STARD13: variants seen among roughly 807,000 people sequenced by gnomAD.
STARD13 encodes StAR related lipid transfer domain containing 13, also known as stAR-related lipid transfer protein 13.
STARD13 carries 62 observed loss-of-function variants against 106.4 expected under a neutral mutation model. The observed-to-expected ratio is 0.58, with a 90% CI of 0.48 to 0.72. STARD13 has a LOEUF of 0.72. Ranked by LOEUF, STARD13 falls within the 30% of genes least tolerant of loss-of-function variation. The probability of loss-of-function intolerance (pLI) is 0.00; values close to 1 mark genes in which losing one functional copy is unlikely to be tolerated. For synonymous variants in STARD13, 565 were observed against 553.0 expected (o/e 1.02, Z -0.31); for missense variants, 1,387 against 1,424.0 (o/e 0.97, Z 0.42).
chr13:33,469,223 G>A, the STARD13 span, among the ~76,000 whole-genome samples: 1 of 152,082 alleles, frequency 6.6e-6, no homozygotes, highest in Non-Finnish European at 1.5e-5. Flanking sequence ...ATTCTGCATA[G>A]TTCAGGAAAC....
At chr13:33,589,731 T>C in the STARD13 span, among the ~76,000 whole-genome samples, 1 of 152,210 alleles carries the variant, frequency 6.6e-6, no homozygotes, top group Non-Finnish European at 1.5e-5. Flanking sequence ...ATGTGGTCAA[T>C]TTTGGAATAA....
chr13:33,498,899 A>T, the STARD13 span, among the ~76,000 whole-genome samples: 1 of 152,236 alleles, frequency 6.6e-6, no homozygotes, highest in Non-Finnish European at 1.5e-5. Context: ...GCACTTTCGG[A>T]GGCCGAGGCA....
At chr13:33,444,089 T>C in the STARD13 span, among the ~76,000 whole-genome samples, 26 of 152,266 alleles carry the variant, frequency 1.7e-4, no homozygotes, top group African/African-American at 5.5e-4. Flanking sequence ...TATTCACTGA[T>C]GTCAGTATAG....
chr13:33,639,679 A>C, the STARD13 span, among the ~76,000 whole-genome samples: 1 of 152,114 alleles, frequency 6.6e-6, no homozygotes, highest in Non-Finnish European at 1.5e-5. Context: ...ACTGTCACTT[A>C]CTCCTGTGCC....
intron 1 of STARD13, among the ~76,000 whole-genome samples, chr13:33,309,886 C>A (rs1343394882): frequency 1.3e-5 from 2 of 152,096 alleles, no homozygotes; most frequent in Non-Finnish European, 2.9e-5. Flanking sequence ...AAGCTCTGAC[C>A]CACCTGTTCC....
chr13:33,492,484 G>T, the STARD13 span, among the ~76,000 whole-genome samples: 1 of 152,202 alleles, frequency 6.6e-6, no homozygotes, highest in African/African-American at 2.4e-5. Flanking sequence ...GTCAGCACAA[G>T]ATATAGGTCA....
At chr13:33,369,825 C>T in the STARD13 span, among the ~76,000 whole-genome samples, 2 of 152,048 alleles carry the variant, frequency 1.3e-5, no homozygotes, top group Non-Finnish European at 2.9e-5. Context: ...CACAGTTGCC[C>T]CTCAGTAAAC....
At chr13:33,133,688 C>A (rs543873204) in intron 4 of STARD13, among the ~76,000 whole-genome samples, 25 of 151,304 alleles carry the variant, frequency 1.7e-4, no homozygotes, top group Admixed American at 3.3e-4. Context: ...AGTAATTATC[C>A]TTGTTTGTTT....
the STARD13 span, among the ~76,000 whole-genome samples, chr13:33,627,956 C>CT: frequency 3.4e-5 from 5 of 146,450 alleles, no homozygotes; most frequent in African/African-American, 8.1e-5. Flanking sequence ...TAGGCTATTT[C>CT]TTTTTTTTCT....
the STARD13 span, among the ~76,000 whole-genome samples, chr13:33,519,309 TTCTCTC>T: frequency 1.9e-4 from 26 of 138,118 alleles, no homozygotes; most frequent in Middle Eastern, 3.5e-3. Flanking sequence ...CTCTCTTTCT[TTCTCTC>T]TCTCTCTCTC....
chr13:33,507,865 C>T, the STARD13 span, among the ~76,000 whole-genome samples: 1 of 152,002 alleles, frequency 6.6e-6, no homozygotes, highest in Non-Finnish European at 1.5e-5. Flanking sequence ...AGCAGATCAT[C>T]ACAAAATCTT....
chr13:33,470,720 T>C, the STARD13 span, among the ~76,000 whole-genome samples: 7 of 152,226 alleles, frequency 4.6e-5, no homozygotes, highest in Non-Finnish European at 8.8e-5. Flanking sequence ...CATAAATGTC[T>C]TCTTTTGAGA....
intron 1 of STARD13, among the ~76,000 whole-genome samples, chr13:33,217,225 G>T (rs1352042927): frequency 6.6e-6 from 1 of 152,094 alleles, no homozygotes. Flanking sequence ...CACAGGACAT[G>T]AAATTTGAAA....
the STARD13 span, among the ~76,000 whole-genome samples, chr13:33,488,376 G>A: frequency 1.2e-4 from 18 of 152,078 alleles, no homozygotes; most frequent in East Asian, 1.9e-4. Context: ...CTACCCTTCC[G>A]ATTTAGAAGC....
At chr13:33,337,191 T>C (rs1476614761) in intron 1 of STARD13, among the ~76,000 whole-genome samples, 3 of 152,206 alleles carry the variant, frequency 2.0e-5, no homozygotes, top group African/African-American at 4.8e-5. Flanking sequence ...AAATCCCTGA[T>C]GATAAATGAT....
At chr13:33,124,374 G>A (rs1313253921) in intron 7 of STARD13, among the ~76,000 whole-genome samples, 1 of 152,228 alleles carries the variant, frequency 6.6e-6, no homozygotes, top group Non-Finnish European at 1.5e-5. Flanking sequence ...TGTGACTGAC[G>A]CGAGATGCGT....
At chr13:33,527,623 TAA>T in the STARD13 span, among the ~76,000 whole-genome samples, 4 of 151,858 alleles carry the variant, frequency 2.6e-5, no homozygotes, top group Non-Finnish European at 5.9e-5. Flanking sequence ...CCAGGAGAAA[TAA>T]AGAGTTGATT....
At position 33,127,402 on chromosome 13, in the gene STARD13, G is replaced by A. The variant is rs1393814657; in HGVS notation, c.1893C>T (p.His631=). The part of the protein sequence containing the change: ...LLRLTAIMEK[H]SMSNKHGWTW... Reference sequence around the variant, plus strand: ...TCCAGCCGTGCTTGTTGGACATGGAGTGCTTCTCCATGATGGCCGTGAGGC... The same window carrying A: ...TCCAGCCGTGCTTGTTGGACATGGAATGCTTCTCCATGATGGCCGTGAGGC... Residue 631 remains histidine, a synonymous_variant, in exon 6 of 14, where the codon CAC becomes CAT. Coordinates refer to ENST00000336934, the MANE Select transcript of STARD13 (RefSeq NM_178006.4). The A allele has an allele frequency of 3.7e-6, 6 of 1,604,280 alleles. No homozygotes were observed. Among genetic ancestry groups the A allele is most frequent in the Non-Finnish European group, 5.1e-6 (6 of 1,176,910 alleles).
At chr13:33,618,197 G>A in the STARD13 span, among the ~76,000 whole-genome samples, 1 of 152,132 alleles carries the variant, frequency 6.6e-6, no homozygotes, top group Non-Finnish European at 1.5e-5. Context: ...ACACTTGTTA[G>A]ACTTTTTTCA....
Sources: gnomAD v4.1 joint callset for allele counts (sites outside exome capture counted in the v4.1 genomes callset) on GRCh38, gnomAD v4.1.1 for gene constraint, MANE v1.5 for transcripts, NCBI Gene and HGNC (gene_info 2026-07-23, HGNC 2026-07-21) for gene names.